The following C8orf34 variants were observed in gnomAD, a reference collection of about 807,000 sequenced individuals.
C8orf34 encodes the protein uncharacterized protein C8orf34.
Under a neutral mutation model 68.3 loss-of-function variants are expected in C8orf34, and 65 were observed. The ratio of observed to expected loss-of-function variants is 0.95; its 90% confidence interval spans 0.78 to 1.17. The LOEUF (loss-of-function observed/expected upper bound fraction) is 1.17, where lower values mean the gene tolerates loss of function less well. C8orf34 is among the 50% of genes most tolerant of loss of function. The pLI is 0.00. For synonymous variants in C8orf34, 244 were observed against 241.2 expected (o/e 1.01, Z -0.11); for missense variants, 664 against 655.4 (o/e 1.01, Z -0.14).
At chr8:68,525,801 G>C (rs1038534136) in intron 6 of C8orf34, 2 of 542,482 alleles carry the variant, frequency 3.7e-6, no homozygotes, top group African/African-American at 3.8e-5. Flanking sequence ...GTGAGAAACA[G>C]GATGATAACT....
intron 1 of C8orf34, among the ~76,000 whole-genome samples, chr8:68,374,940 G>A (rs1046598060): frequency 6.6e-6 from 1 of 152,128 alleles, no homozygotes; most frequent in Non-Finnish European, 1.5e-5. Flanking sequence ...AGATTAAATA[G>A]GGATTTATGT....
intron 1 of C8orf34, among the ~76,000 whole-genome samples, chr8:68,376,485 A>T (rs1807805132): frequency 6.6e-6 from 1 of 152,066 alleles, no homozygotes; most frequent in Admixed American, 6.6e-5. Context: ...ATGAAGGGAG[A>T]AATGATATAG....
At chr8:68,775,159 C>T (rs963154762) in intron 10 of C8orf34, among the ~76,000 whole-genome samples, 5 of 151,676 alleles carry the variant, frequency 3.3e-5, no homozygotes. Flanking sequence ...CTTCACTCTA[C>T]CCCTCTTGGC....
intron 4 of C8orf34, among the ~76,000 whole-genome samples, chr8:68,483,654 G>T (rs776542154): frequency 6.6e-6 from 1 of 152,224 alleles, no homozygotes; most frequent in African/African-American, 2.4e-5. Flanking sequence ...CAACATGGCA[G>T]ATTAGCATCA....
intron 1 of C8orf34, among the ~76,000 whole-genome samples, chr8:68,342,503 C>T (rs1338018395): frequency 6.6e-6 from 1 of 152,138 alleles, no homozygotes; most frequent in Non-Finnish European, 1.5e-5. Context: ...GTAGTAGCCC[C>T]CTCTTATCTG....
intron 12 of C8orf34, among the ~76,000 whole-genome samples, chr8:68,809,046 A>G (rs1406468698): frequency 6.6e-6 from 1 of 151,916 alleles, no homozygotes; most frequent in Non-Finnish European, 1.5e-5. Context: ...GTGGAAAAAA[A>G]CCTGGAAGTC....
In C8orf34 at chr8:68,666,846, G is replaced by A. The variant is rs556739527; in HGVS notation, c.1241+26335G>A. ...GCCCTTTTAAAGTTTTTCAAATGAT[G>A]TGGCTTAAATTTGATCAGCAAAGTG... On this transcript the variant is annotated intron_variant, in intron 8 of 13. Transcript: ENST00000518698. Among the ~76,000 whole-genome samples, 19 of 152,214 alleles carry A rather than the reference G, an allele frequency of 1.2e-4. No homozygotes were observed. The South Asian group carries it at 3.9e-3, about 32-fold the overall frequency.
chr8:68,645,404 T>C (rs1324127481), intron 8 of C8orf34, among the ~76,000 whole-genome samples: 3 of 152,146 alleles, frequency 2.0e-5, no homozygotes, highest in Non-Finnish European at 4.4e-5. Context: ...CACATTAAAA[T>C]GCTAAGATAT....
chr8:68,538,425 A>C (rs1030367870), intron 7 of C8orf34, among the ~76,000 whole-genome samples: 2 of 151,654 alleles, frequency 1.3e-5, no homozygotes, highest in African/African-American at 4.8e-5. Flanking sequence ...CTCAACAGGG[A>C]TGTTGAGAGG....
At chr8:68,646,906 G>A (rs1176905446) in intron 8 of C8orf34, among the ~76,000 whole-genome samples, 2 of 152,122 alleles carry the variant, frequency 1.3e-5, no homozygotes, top group Non-Finnish European at 2.9e-5. Flanking sequence ...TAGCTATTAT[G>A]AATAATGCTG....
chr8:68,609,535 G>T (rs1817950097), intron 7 of C8orf34, among the ~76,000 whole-genome samples: 1 of 152,166 alleles, frequency 6.6e-6, no homozygotes, highest in Admixed American at 6.5e-5. Flanking sequence ...TTTAAGAGAA[G>T]TTGGTAATCA....
At chr8:68,466,874 T>G (rs1812171536) in intron 3 of C8orf34, among the ~76,000 whole-genome samples, 1 of 151,270 alleles carries the variant, frequency 6.6e-6, no homozygotes, top group Admixed American at 6.6e-5. Flanking sequence ...TTTAAAAAGG[T>G]GACAGAATGA....
intron 5 of C8orf34, among the ~76,000 whole-genome samples, chr8:68,503,686 CTTTTTT>C (rs538748605): frequency 7.4e-6 from 1 of 135,222 alleles, no homozygotes; most frequent in Admixed American, 7.5e-5. Flanking sequence ...TTTTCTTTTT[CTTTTTT>C]TTTTTTTTTC....
At chr8:68,374,709 T>TGCG (rs2129619905) in intron 1 of C8orf34, among the ~76,000 whole-genome samples, 1 of 152,264 alleles carries the variant, frequency 6.6e-6, no homozygotes, top group East Asian at 1.9e-4. Context: ...AATAAAAAAA[T>TGCG]GTAAACAGTT....
At chr8:68,699,511 C>G (rs569631525) in intron 8 of C8orf34, among the ~76,000 whole-genome samples, 40 of 152,158 alleles carry the variant, frequency 2.6e-4, no homozygotes, top group Non-Finnish European at 4.9e-4. Context: ...CCAGGGTTGT[C>G]CTTTGTGCAC....
intron 8 of C8orf34, among the ~76,000 whole-genome samples, chr8:68,644,831 A>G (rs1819117970): frequency 6.6e-6 from 1 of 152,232 alleles, no homozygotes; most frequent in Non-Finnish European, 1.5e-5. Context: ...ACCAACATGT[A>G]GAGAAATGAC....
At chr8:68,726,018 C>CA (rs1328393821) in intron 10 of C8orf34, among the ~76,000 whole-genome samples, 1 of 152,150 alleles carries the variant, frequency 6.6e-6, no homozygotes. Context: ...AAGCAATTCT[C>CA]ATGGCTCTGG....
intron 7 of C8orf34, among the ~76,000 whole-genome samples, chr8:68,567,966 C>A (rs750392595): frequency 1.2e-4 from 18 of 151,358 alleles, no homozygotes; most frequent in Non-Finnish European, 2.4e-4. Flanking sequence ...TACTTAGAGG[C>A]CATTGGGGGA....
chr8:68,701,806 T>G (rs1821025299), intron 8 of C8orf34, among the ~76,000 whole-genome samples: 1 of 152,026 alleles, frequency 6.6e-6, no homozygotes, highest in Admixed American at 6.6e-5. Flanking sequence ...TGATGGCATA[T>G]TCTCCCATTC....
Sources: gnomAD v4.1 joint callset for allele counts (sites outside exome capture counted in the v4.1 genomes callset) on GRCh38, gnomAD v4.1.1 for gene constraint, MANE v1.5 for transcripts, NCBI Gene and HGNC (gene_info 2026-07-23, HGNC 2026-07-21) for gene names.